The following DENND4C variants were observed in gnomAD, a reference collection of about 807,000 sequenced individuals.
DENND4C encodes DENN domain-containing protein 4C.
Under a neutral mutation model 203.0 loss-of-function variants are expected in DENND4C, and 108 were observed. The observed-to-expected ratio is 0.53, with a 90% confidence interval of 0.46 to 0.62. The LOEUF (loss-of-function observed/expected upper bound fraction) is 0.62, where lower values mean the gene tolerates loss of function less well. Ranked by LOEUF, DENND4C falls within the 20% of genes least tolerant of loss-of-function variation. The probability of loss-of-function intolerance (pLI) is 0.00; values close to 1 mark genes in which losing one functional copy is unlikely to be tolerated. For synonymous variants in DENND4C, 871 were observed against 792.4 expected (o/e 1.10, Z -1.67); for missense variants, 2,481 against 2,301.2 (o/e 1.08, Z -1.60).
rs777734960 is a variant in DENND4C at position 19,360,285 on chromosome 9, G to A, written c.5202G>A (p.Val1734=). Residue 1734 remains valine (V), a synonymous_variant, in exon 29 of 33, where the codon GTG becomes GTA. Coordinates refer to ENST00000434457, the MANE Select transcript of DENND4C (RefSeq NM_001330640.2). ...GKRPNPPPVS[V]PYLSPLVLRK... is the part of the protein sequence containing the mutation. Reference sequence around the variant, plus strand: ...GACCCAATCCTCCCCCTGTTTCTGTGCCCTACTTGAGTCCTCTAGTACTCC... The same window carrying A: ...GACCCAATCCTCCCCCTGTTTCTGTACCCTACTTGAGTCCTCTAGTACTCC... 2 of 1,613,548 alleles carry A rather than the reference G, an allele frequency of 1.2e-6. No homozygotes were observed. The highest frequency in any genetic ancestry group is 2.7e-5 in the African/African-American group (2 of 74,854).
intron 1 of DENND4C, among the ~76,000 whole-genome samples, chr9:19,241,390 T>TG (rs1465897039): frequency 6.6e-6 from 1 of 152,142 alleles, no homozygotes; most frequent in Non-Finnish European, 1.5e-5. Context: ...AATGAATTTT[T>TG]TTTTTAGAGA....
chr9:19,348,484 A>G (rs1037626120), intron 23 of DENND4C, among the ~76,000 whole-genome samples: 4 of 152,226 alleles, frequency 2.6e-5, no homozygotes, highest in African/African-American at 4.8e-5. Context: ...TCAGAAGAGT[A>G]TATCTGAAAG....
chr9:19,243,905 A>G (rs1432445345), intron 1 of DENND4C, among the ~76,000 whole-genome samples: 5 of 152,168 alleles, frequency 3.3e-5, no homozygotes, highest in Non-Finnish European at 7.4e-5. Flanking sequence ...TCGACCTTCC[A>G]GGCTCAATTA....
intron 1 of DENND4C, among the ~76,000 whole-genome samples, chr9:19,271,201 CTT>C (rs34513200): frequency 1.6e-4 from 20 of 129,024 alleles, no homozygotes; most frequent in East Asian, 2.2e-4. Flanking sequence ...AATATGGATT[CTT>C]TTTTTTTTTT....
At chr9:19,259,452 A>G (rs890540781) in intron 1 of DENND4C, among the ~76,000 whole-genome samples, 1 of 149,672 alleles carries the variant, frequency 6.7e-6, no homozygotes, top group African/African-American at 2.5e-5. Flanking sequence ...GCTCTTTTTT[A>G]TGGCTGAATA....
chr9:19,297,505 A>G (rs1588868456), intron 6 of DENND4C, among the ~76,000 whole-genome samples: 1 of 152,224 alleles, frequency 6.6e-6, no homozygotes, highest in African/African-American at 2.4e-5. Context: ...TGAAAAATTA[A>G]GATTCTATGA....
In DENND4C at chr9:19,267,570, T is replaced by C. The variant is rs922875326; in HGVS notation, c.-17-8588T>C. Among the ~76,000 whole-genome samples, 22 of 152,248 alleles carry C rather than the reference T, an allele frequency of 1.4e-4. 2 individuals carry two copies. The highest frequency in any genetic ancestry group is 4.6e-4 in the Admixed American group (7 of 15,266). Reference sequence around the variant, plus strand: ...TGTTTTTTTAGAGACCGGTTCTCACTTTATCCCCCAGGCTGGAGTGCAGTG... The same window carrying C: ...TGTTTTTTTAGAGACCGGTTCTCACCTTATCCCCCAGGCTGGAGTGCAGTG... On this transcript the variant is annotated intron_variant, in intron 1 of 32. Coordinates refer to ENST00000434457, the MANE Select transcript of DENND4C (RefSeq NM_001330640.2).
intron 4 of DENND4C, 67 bp from the exon 5 acceptor site, chr9:19,290,637 C>A: frequency 9.1e-7 from 1 of 1,094,152 alleles, no homozygotes; most frequent in Non-Finnish European, 1.2e-6. Context: ...TCCATTAATA[C>A]CTATCATATG....
intron 9 of DENND4C, among the ~76,000 whole-genome samples, chr9:19,300,638 T>TTGA (rs1338549448): frequency 6.6e-6 from 1 of 152,206 alleles, no homozygotes. Context: ...GCTGGTTGTA[T>TTGA]TGAGAGGCTC....
At chr9:19,310,064 G>A (rs891352065) in intron 10 of DENND4C, among the ~76,000 whole-genome samples, 1 of 152,032 alleles carries the variant, frequency 6.6e-6, no homozygotes, top group African/African-American at 2.4e-5. Flanking sequence ...ACTGTAGATG[G>A]TATTTTAAAT....
chr9:19,322,235 T>G (rs1842997108), intron 12 of DENND4C, among the ~76,000 whole-genome samples: 1 of 152,188 alleles, frequency 6.6e-6, no homozygotes. Context: ...TCTGCCTAGT[T>G]GTGGAACTTT....
chr9:19,342,885 A>G (rs1019124024), intron 22 of DENND4C, 106 bp downstream of exon 22: 4 of 939,742 alleles, frequency 4.3e-6, no homozygotes, highest in Middle Eastern at 3.5e-4. Flanking sequence ...TGAACATGCT[A>G]AAGAGCCAGA....
At chr9:19,332,537 G>A (rs986497833) in intron 17 of DENND4C, among the ~76,000 whole-genome samples, 2 of 71,768 alleles carry the variant, frequency 2.8e-5, no homozygotes, top group African/African-American at 1.1e-4. Flanking sequence ...TTTTTTTTTT[G>A]TATTTTTAAT....
chr9:19,281,405 T>G (rs1337298992), intron 2 of DENND4C, among the ~76,000 whole-genome samples: 1 of 152,202 alleles, frequency 6.6e-6, no homozygotes, highest in African/African-American at 2.4e-5. Flanking sequence ...CACTCTTTCC[T>G]CACTCTAGTG....
rs1823067488 is a variant in DENND4C at position 19,347,049 on chromosome 9, T to G, written c.4280T>G (p.Val1427Gly). The stretch of plus-strand genomic sequence containing the variant: ...GCGACAGTAGCCAGTAAGATGTGGG[T>G]AGCTGTTGCGTCTGCCTACAGCTAC... ...QAATVASKMW[V>G]AVASAYSYSD... is the part of the protein sequence containing the mutation. Residue 1427 changes from valine (V) to glycine (G), a missense_variant, in exon 23 of 33, where the codon GTA becomes GGA. By Grantham distance (109) the Val-to-Gly change is moderately radical. Coordinates refer to ENST00000434457, the MANE Select transcript of DENND4C (RefSeq NM_001330640.2). 6.2e-7 allele frequency: 1 copy of G among 1,614,086 alleles called. No homozygotes were observed. Among genetic ancestry groups the G allele is most frequent in the Non-Finnish European group, 8.5e-7 (1 of 1,180,000 alleles).
chr9:19,305,497 G>T lies in DENND4C; in HGVS notation c.1457G>T (p.Cys486Phe), dbSNP rs769832872. Residue 486 changes from cysteine (C) to phenylalanine (F), a missense_variant, in exon 10 of 33, where the codon TGC becomes TTC. Cys to Phe is a radical substitution (Grantham distance 205). This residue lies in a region of DENND4C where 2,289 missense variants were observed against 2,113.3 expected (regional missense o/e 1.08). Coordinates refer to ENST00000434457, the MANE Select transcript of DENND4C (RefSeq NM_001330640.2). The part of the protein sequence containing the change: ...DLHDPPQDVV[C>F]IDLDTNMLYV... Reference sequence around the variant, plus strand: ...CATGACCCACCACAAGATGTTGTTTGCATTGACTTGGATACGAACATGTTA... The same window carrying T: ...CATGACCCACCACAAGATGTTGTTTTCATTGACTTGGATACGAACATGTTA... The T allele has an allele frequency of 1.4e-5, 22 of 1,613,058 alleles. No individual in the cohort carries two copies. The highest frequency in any genetic ancestry group is 1.9e-5 in the Non-Finnish European group (22 of 1,179,886).
intron 1 of DENND4C, among the ~76,000 whole-genome samples, chr9:19,264,163 G>A (rs983300854): frequency 6.6e-6 from 1 of 152,102 alleles, no homozygotes; most frequent in Admixed American, 6.6e-5. Context: ...TCTTACTACT[G>A]CTTCAATCTC....
At chr9:19,361,498 A>G (rs1235763475) in intron 29 of DENND4C, among the ~76,000 whole-genome samples, 1 of 152,204 alleles carries the variant, frequency 6.6e-6, no homozygotes, top group East Asian at 1.9e-4. Flanking sequence ...TTAAAGTACT[A>G]TAAACTCTAG....
Position 19,286,884 on chromosome 9 carries a change from A to G in DENND4C, c.421A>G (p.Ile141Val), listed in dbSNP as rs1210726421. The change falls in exon 3 of 33, where the codon ATC becomes GTC. Residue 141 changes from isoleucine to valine, a missense_variant. Physicochemically the swap from Ile to Val is conservative, Grantham distance 29. Transcript: ENST00000434457. Reference protein sequence around the residue: ...NSSTTSQRIFITYRRAPPVRP... With the variant: ...NSSTTSQRIFVTYRRAPPVRP... Reference sequence around the variant, plus strand: ...TTCAACTACTTCACAAAGAATCTTTATCACTTATCGAAGGGCTCCTCCAGT... The same window carrying G: ...TTCAACTACTTCACAAAGAATCTTTGTCACTTATCGAAGGGCTCCTCCAGT... 2.4e-6 allele frequency: 3 copies of G among 1,232,046 alleles called. No individual in the cohort carries two copies. The highest frequency in any genetic ancestry group is 3.0e-6 in the Non-Finnish European group (3 of 987,976). 76.3% of individuals were successfully genotyped at this position (1,232,046 alleles called of 1,614,324 possible).
Sources: allele counts gnomAD v4.1 joint callset (sites outside exome capture counted in the v4.1 genomes callset), GRCh38; gene constraint gnomAD v4.1.1; regional missense constraint gnomAD v4.1.1; transcripts MANE v1.5; gene names NCBI Gene and HGNC (gene_info 2026-07-23, HGNC 2026-07-21).